Variants in IL3RA observed in about 807,000 individuals in gnomAD.
The protein encoded by IL3RA is interleukin 3 receptor subunit alpha.
In IL3RA, 73 loss-of-function variants were observed where a neutral mutation model predicts 52.3. The observed-to-expected ratio is 1.40, with a 90% CI of 1.16 to 1.70. The LOEUF is 1.70. Ranked by LOEUF, IL3RA falls within the 40% of genes most tolerant of loss-of-function variation. IL3RA has a pLI of 0.00. For missense variants in IL3RA, 664 were observed against 504.4 expected, an observed-to-expected ratio of 1.32 and a Z score of -3.03; for synonymous variants, 260 against 194.0, an observed-to-expected ratio of 1.34 and a Z score of -2.83.
rs773165752 is a variant in IL3RA at position 1,382,548 on chromosome X, C to T, written c.*83C>T. On this transcript the variant is annotated 3_prime_UTR_variant, in exon 12 of 12. Coordinates refer to ENST00000331035, the MANE Select transcript of IL3RA (RefSeq NM_002183.4). ...CTGCACAGACTGGCTGCTGGACCTG[C>T]GCACGCAGCCCAGGAATGGACATTC... is the stretch of plus-strand genomic sequence containing the variant. The T allele has an allele frequency of 4.9e-5, 61 of 1,252,572 alleles. No individual in the cohort carries two copies. Among genetic ancestry groups the T allele is most frequent in the East Asian group, 1.2e-4 (5 of 43,226 alleles). The allele number at this position is 1,252,572 out of a possible 1,614,324, so 77.6% of individuals were successfully genotyped here. A position where few individuals can be genotyped will look rare whatever the true frequency, so the allele number is the denominator to read the frequency against.
intron 3 of IL3RA, among the ~76,000 whole-genome samples, chrX:1,347,389 G>A (rs1164379309): frequency 4.0e-5 from 6 of 151,424 alleles, no homozygotes; most frequent in African/African-American, 1.5e-4. Context: ...AGCTTGCAGT[G>A]AGCCGAGATC....
At chrX:1,362,301 C>T (rs1418909637) in intron 8 of IL3RA, among the ~76,000 whole-genome samples, 5 of 151,970 alleles carry the variant, frequency 3.3e-5, no homozygotes, top group Non-Finnish European at 7.4e-5. Flanking sequence ...TCTCCCCTCT[C>T]TGTGTCTCTT....
In IL3RA at chrX:1,356,194, TCCTAAAA is replaced by T. The variant is rs2149027469; in HGVS notation, c.617-26_617-20del. Reference sequence around the variant, plus strand: ...AGAATTGATTTCTTGTACTCCTAAATCCTAAAAGTGTTTTTCTCGTTGCTAGAGATAT... The same window carrying T: ...AGAATTGATTTCTTGTACTCCTAAATGTGTTTTTCTCGTTGCTAGAGATAT... On this transcript the variant is annotated intron_variant, in intron 6 of 11. Transcript: ENST00000331035. 1 of 1,292,378 alleles carries T rather than the reference TCCTAAAA, an allele frequency of 7.7e-7. No individual in the cohort carries two copies. Among genetic ancestry groups the T allele is most frequent in the Non-Finnish European group, 1.1e-6 (1 of 917,698 alleles). 80.1% of individuals were successfully genotyped at this position (1,292,378 alleles called of 1,614,324 possible).
chrX:1,381,193 A>G, intron 11 of IL3RA, 89 bp downstream of exon 11: 2 of 1,100,336 alleles, frequency 1.8e-6, no homozygotes, highest in East Asian at 4.7e-5. Context: ...GAGGCCAGGA[A>G]CTGGAGACCA....
chrX:1,349,476 A>G (rs187377520), intron 4 of IL3RA, among the ~76,000 whole-genome samples: 5,250 of 150,980 alleles, frequency 0.035, 285 homozygotes, highest in African/African-American at 0.12. Flanking sequence ...CACCGCGCCC[A>G]GCCTTAAATA....
chrX:1,367,737 G>C lies in IL3RA; in HGVS notation c.874+2485G>C, dbSNP rs1457012453. Among the ~76,000 whole-genome samples the C allele has an allele frequency of 3.3e-3, 407 of 123,084 alleles. 8 individuals carry two copies. The highest frequency in any genetic ancestry group is 0.012 in the African/African-American group (387 of 32,372). 80.7% of individuals were successfully genotyped at this position (123,084 alleles called of 152,430 possible). A position where few individuals can be genotyped will look rare whatever the true frequency, so the allele number is the denominator to read the frequency against. ...GGTGAGCGGGGTGCGCCGGGTGAGCGGGGTGCGCGGGGTGAGCGGGGTGCG... is the reference window on the plus strand; with the variant it reads ...GGTGAGCGGGGTGCGCCGGGTGAGCCGGGTGCGCGGGGTGAGCGGGGTGCG... On this transcript the variant is annotated intron_variant, in intron 9 of 11. Coordinates refer to ENST00000331035, the MANE Select transcript of IL3RA (RefSeq NM_002183.4).
At chrX:1,347,603 G>T (rs1456585344) in intron 3 of IL3RA, among the ~76,000 whole-genome samples, 1 of 151,596 alleles carries the variant, frequency 6.6e-6, no homozygotes, top group African/African-American at 2.4e-5. Flanking sequence ...TGGGCAAGCG[G>T]AGTGAGGCCC....
chrX:1,345,233 C>CAG, intron 2 of IL3RA, 83 bp from the exon 3 acceptor site: 1 of 682,780 alleles, frequency 1.5e-6, no homozygotes, highest in Non-Finnish European at 2.4e-6. Context: ...ACTCCACGGG[C>CAG]AAAAAAAAAA....
Position 1,345,475 on chromosome X carries a change from T to G in IL3RA, c.183+41T>G, listed in dbSNP as rs191920800. 3.8e-5 allele frequency: 49 copies of G among 1,305,750 alleles called. No homozygotes were observed. In the African/African-American group the frequency reaches 5.2e-4, roughly 14 times the overall value. 80.9% of individuals were successfully genotyped at this position (1,305,750 alleles called of 1,614,324 possible). ...TATTGTTTTTTTATTTTTATTTTAT[T>G]TATTTATGTATTTATGTATTTATTT... On this transcript the variant is annotated intron_variant, in intron 3 of 11. Transcript: ENST00000331035.
At chrX:1,353,949 C>CCCCCCATCATGGGTCGTGGGACCCCCA (rs767857596) in intron 6 of IL3RA, among the ~76,000 whole-genome samples, 2 of 99,428 alleles carry the variant, frequency 2.0e-5, no homozygotes, top group Non-Finnish European at 4.1e-5. Context: ...TGGGACCCCC[C>CCCCCCATCATGGGTCGTGGGACCCCCA]CCCCCATCAT....
intron 9 of IL3RA, among the ~76,000 whole-genome samples, chrX:1,367,167 A>C (rs1394270010): frequency 5.5e-5 from 1 of 18,282 alleles, no homozygotes; most frequent in Non-Finnish European, 8.3e-5. Flanking sequence ...GCGCGGGGTG[A>C]GCCGGGTGCG....
intron 3 of IL3RA, 137 bp from the exon 4 acceptor site, chrX:1,348,294 A>C (rs1232943914): frequency 1.4e-6 from 1 of 705,284 alleles, no homozygotes; most frequent in African/African-American, 1.7e-5. Context: ...GAGAGGCTGC[A>C]GTGAGCCGAG....
At chrX:1,376,700 A>ATG (rs2088761931) in intron 9 of IL3RA, among the ~76,000 whole-genome samples, 1 of 141,804 alleles carries the variant, frequency 7.1e-6, no homozygotes. Flanking sequence ...AGCCCTGCCC[A>ATG]CACCTGGATC....
chrX:1,378,232 C>A (rs2088935012), intron 9 of IL3RA, among the ~76,000 whole-genome samples: 1 of 151,066 alleles, frequency 6.6e-6, no homozygotes, highest in Admixed American at 6.6e-5. Flanking sequence ...CACACACACA[C>A]AAATTCCATG....
intron 9 of IL3RA, 58 bp downstream of exon 9, chrX:1,365,310 AGCGGGGTG>A (rs1569526165): frequency 1.2e-6 from 1 of 821,980 alleles, no homozygotes; most frequent in African/African-American, 2.8e-5. Context: ...GCGCGGGGTG[AGCGGGGTG>A]CGCGGGGTGA....
intron 8 of IL3RA, among the ~76,000 whole-genome samples, chrX:1,361,081 C>A (rs2087275349): frequency 1.6e-5 from 2 of 127,088 alleles, no homozygotes; most frequent in Admixed American, 7.4e-5. Flanking sequence ...CTCTCTCTCC[C>A]TTCCCCTCTC....
chrX:1,377,891 AAAG>A (rs1167885075), intron 9 of IL3RA, among the ~76,000 whole-genome samples: 1 of 151,092 alleles, frequency 6.6e-6, no homozygotes, highest in Non-Finnish European at 1.5e-5. Context: ...AAAAAAGAAA[AAAG>A]AAAAAAAATA....
intron 10 of IL3RA, among the ~76,000 whole-genome samples, chrX:1,379,762 G>A (rs1425232703): frequency 3.3e-5 from 5 of 152,180 alleles, no homozygotes; most frequent in Non-Finnish European, 5.9e-5. Flanking sequence ...CCCAGGTCCT[G>A]TCTCCTTTTT....
intron 7 of IL3RA, 46 bp downstream of exon 7, chrX:1,356,382 C>G (rs200739620): frequency 8.5e-6 from 11 of 1,288,412 alleles, no homozygotes; most frequent in Admixed American, 1.9e-5. Flanking sequence ...CGTGGACATC[C>G]CTTATTTTTG....
Sources: allele counts gnomAD v4.1 joint callset (sites outside exome capture counted in the v4.1 genomes callset), GRCh38; gene constraint gnomAD v4.1.1; transcripts MANE v1.5; gene names NCBI Gene and HGNC (gene_info 2026-07-23, HGNC 2026-07-21).